FARP1: variants seen among roughly 807,000 people sequenced by gnomAD.
FARP1 encodes FERM, ARH/RhoGEF and pleckstrin domain protein 1.
FARP1 carries 52 observed loss-of-function variants against 128.8 expected under a neutral mutation model. That is an observed-to-expected ratio of 0.40 (90% CI 0.32 to 0.51). The LOEUF (loss-of-function observed/expected upper bound fraction) is 0.51. FARP1 is among the 20% of genes least tolerant of loss of function. The pLI is 0.45. For synonymous variants in FARP1, 580 were observed against 551.8 expected, an observed-to-expected ratio of 1.05 and a Z score of -0.72; for missense variants, 1,333 against 1,367.9, an observed-to-expected ratio of 0.97 and a Z score of 0.40.
intron 2 of FARP1, among the ~76,000 whole-genome samples, chr13:98,235,687 C>T (rs371274532): frequency 6.6e-6 from 1 of 152,124 alleles, no homozygotes; most frequent in Non-Finnish European, 1.5e-5. Context: ...GAGCTCTTTC[C>T]TTTTTAAAAC....
rs748089321 is a variant in FARP1, at chr13:98,176,773, C to T, written c.-24+33281C>T. The T allele has an allele frequency of 1.9e-6, 3 of 1,613,868 alleles. No individual in the cohort carries two copies. Among genetic ancestry groups the T allele is most frequent in the East Asian group, 2.2e-5 (1 of 44,858 alleles). ...GGACGTGTCCTTGGGCTTCAGGTAC[C>T]TCAGGTAGCTGTGGATTCCCCGGTA... On this transcript the variant is annotated intron_variant, in intron 1 of 26. Coordinates refer to ENST00000319562, the MANE Select transcript of FARP1 (RefSeq NM_005766.4). This position sits in a 1 kb window ranked among gnomAD's most constrained non-coding sequence, Gnocchi z 6.2.
intron 4 of FARP1, among the ~76,000 whole-genome samples, chr13:98,367,133 A>AGAT (rs111823714): frequency 0.54 from 80,059 of 148,548 alleles, 23,493 homozygotes; most frequent in Non-Finnish European, 0.69. Flanking sequence ...TGCAAATCAC[A>AGAT]GATGATGATG....
intron 4 of FARP1, among the ~76,000 whole-genome samples, chr13:98,365,981 G>C (rs1209677357): frequency 6.6e-6 from 1 of 151,948 alleles, no homozygotes; most frequent in African/African-American, 2.4e-5. Context: ...CTGTGTGTTG[G>C]AAAGAAAAGA....
At chr13:98,267,330 G>A (rs1181407024) in intron 2 of FARP1, among the ~76,000 whole-genome samples, 1 of 152,190 alleles carries the variant, frequency 6.6e-6, no homozygotes, top group Non-Finnish European at 1.5e-5. Context: ...CTGGTTATTG[G>A]CTGGATGTGG....
chr13:98,167,765 A>G (rs577906848), intron 1 of FARP1, among the ~76,000 whole-genome samples: 51 of 152,356 alleles, frequency 3.3e-4, no homozygotes, highest in African/African-American at 1.2e-3. Context: ...ATTCATTTAA[A>G]AAAGTCTACA....
At chr13:98,281,122 G>A (rs748065472) in intron 2 of FARP1, among the ~76,000 whole-genome samples, 21 of 152,178 alleles carry the variant, frequency 1.4e-4, no homozygotes, top group Non-Finnish European at 2.2e-4. Flanking sequence ...TTGAAAGGCC[G>A]AGGTGGGCAG....
At chr13:98,181,661 A>AGAGAGAGAGT (rs138526104) in intron 1 of FARP1, among the ~76,000 whole-genome samples, 39 of 148,648 alleles carry the variant, frequency 2.6e-4, no homozygotes, top group East Asian at 1.2e-3. Flanking sequence ...AGAGAGAGAG[A>AGAGAGAGAGT]GTCTCACTGT....
intron 13 of FARP1, chr13:98,402,969 A>G (rs1379198321): frequency 6.6e-6 from 1 of 152,150 alleles, no homozygotes; most frequent in African/African-American, 2.4e-5. Flanking sequence ...CATTGTATGC[A>G]GTGTCTTGTC....
At chr13:98,333,813 C>T (rs1329939546) in intron 2 of FARP1, 1 of 151,964 alleles carries the variant, frequency 6.6e-6, no homozygotes, top group Non-Finnish European at 1.5e-5. Flanking sequence ...GAATGAAAGC[C>T]TTGTTCCAGC....
At chr13:98,409,562 G>A (rs1371462201) in intron 14 of FARP1, 37 bp downstream of exon 14, 1 of 1,506,010 alleles carries the variant, frequency 6.6e-7, no homozygotes, top group Non-Finnish European at 9.0e-7. Flanking sequence ...GTGTGGCTGT[G>A]TGTGCACGTG....
chr13:98,244,759 G>A, intron 2 of FARP1: 2 of 1,599,208 alleles, frequency 1.3e-6, no homozygotes, highest in Non-Finnish European at 1.7e-6. Context: ...AAATTGATTG[G>A]CAATGGCCAG....
At chr13:98,228,218 G>A (rs890239525) in intron 2 of FARP1, among the ~76,000 whole-genome samples, 2 of 152,162 alleles carry the variant, frequency 1.3e-5, no homozygotes, top group African/African-American at 4.8e-5. Context: ...GAATTAGCTG[G>A]GCATGGTGGC....
intron 13 of FARP1, chr13:98,406,373 T>C (rs1890971918): frequency 6.6e-6 from 1 of 152,218 alleles, no homozygotes. Context: ...AACTGAACTG[T>C]AGAGTTTCAG....
intron 13 of FARP1, chr13:98,406,234 T>C (rs1330995954): frequency 1.3e-5 from 2 of 152,216 alleles, no homozygotes; most frequent in South Asian, 4.1e-4. Context: ...ATTTCATTAA[T>C]TGCTGAAAGG....
intron 1 of FARP1, among the ~76,000 whole-genome samples, chr13:98,143,827 C>G (rs1285236842): frequency 6.6e-6 from 1 of 151,830 alleles, no homozygotes; most frequent in Non-Finnish European, 1.5e-5. Flanking sequence ...CCCCCGTTTC[C>G]TTCCGTCCTA....
chr13:98,254,701 C>T (rs1883501874), intron 2 of FARP1, among the ~76,000 whole-genome samples: 1 of 152,172 alleles, frequency 6.6e-6, no homozygotes, highest in South Asian at 2.1e-4. Flanking sequence ...CAAGAAACTG[C>T]TGAGAATTCA....
At chr13:98,215,854 G>T (rs553998787) in intron 2 of FARP1, among the ~76,000 whole-genome samples, 1 of 151,366 alleles carries the variant, frequency 6.6e-6, no homozygotes, top group Non-Finnish European at 1.5e-5. Flanking sequence ...GCAGTGGTGC[G>T]ATCTCAGCTC....
At chr13:98,444,735 A>G (rs1177950629) in intron 24 of FARP1, among the ~76,000 whole-genome samples, 1 of 152,186 alleles carries the variant, frequency 6.6e-6, no homozygotes, top group Non-Finnish European at 1.5e-5. Context: ...ATGGGCCCAG[A>G]CTGTGATGGG....
At chr13:98,447,869 G>A (rs372956793) in intron 26 of FARP1, 12 of 228,546 alleles carry the variant, frequency 5.3e-5, no homozygotes, top group African/African-American at 2.8e-4. Flanking sequence ...AAGAAAAAAG[G>A]AAGGGAGAGC....
Sources: gnomAD v4.1 joint callset for allele counts (sites outside exome capture counted in the v4.1 genomes callset) on GRCh38, gnomAD v4.1.1 for gene constraint, Gnocchi (gnomAD v3.1) non-coding constraint, MANE v1.5 for transcripts, NCBI Gene and HGNC (gene_info 2026-07-23, HGNC 2026-07-21) for gene names.